Variants in LGR5 observed in about 807,000 individuals in gnomAD.
The protein encoded by LGR5 is leucine rich repeat containing G protein-coupled receptor 5.
In LGR5, 54 loss-of-function variants were observed where a neutral mutation model predicts 76.7. That is an observed-to-expected ratio of 0.70 (90% CI 0.57 to 0.88). The LOEUF (loss-of-function observed/expected upper bound fraction) is 0.88. Ranked by LOEUF, LGR5 falls within the 40% of genes least tolerant of loss-of-function variation. The pLI, the probability that LGR5 is intolerant of heterozygous loss-of-function variation, is 0.00. For missense variants in LGR5, 1,078 were observed against 1,073.3 expected, an observed-to-expected ratio of 1.00 and a Z score of -0.06; for synonymous variants, 406 against 421.9, an observed-to-expected ratio of 0.96 and a Z score of 0.46.
At chr12:71,509,868 C>T (rs774024043) in intron 2 of LGR5, among the ~76,000 whole-genome samples, 23 of 152,024 alleles carry the variant, frequency 1.5e-4, no homozygotes, top group Non-Finnish European at 3.2e-4. Flanking sequence ...TCCCTGGAAC[C>T]GTTTGCTCAT....
intron 13 of LGR5, among the ~76,000 whole-genome samples, chr12:71,576,199 A>G (rs566235477): frequency 2.0e-5 from 3 of 152,318 alleles, no homozygotes; most frequent in South Asian, 2.1e-4. Flanking sequence ...ATGTTTACCT[A>G]TGTAACAAAC....
intron 1 of LGR5, among the ~76,000 whole-genome samples, chr12:71,453,122 G>C (rs1181493448): frequency 6.6e-6 from 1 of 152,132 alleles, no homozygotes; most frequent in Non-Finnish European, 1.5e-5. Flanking sequence ...CAGCAGAAAG[G>C]CACCTACTAG....
At chr12:71,570,957 G>A (rs1462036929) in intron 11 of LGR5, among the ~76,000 whole-genome samples, 1 of 152,120 alleles carries the variant, frequency 6.6e-6, no homozygotes, top group African/African-American at 2.4e-5. Flanking sequence ...GCTTGCTTTA[G>A]ATTAGTTATA....
At chr12:71,519,724 G>A (rs1304199141) in intron 2 of LGR5, among the ~76,000 whole-genome samples, 2 of 152,070 alleles carry the variant, frequency 1.3e-5, no homozygotes, top group Non-Finnish European at 1.5e-5. Context: ...TACTTGTGGG[G>A]CTGAGGCAGG....
intron 3 of LGR5, 52 bp from the exon 4 acceptor site, chr12:71,535,063 C>CTGTTA (rs1215122809): frequency 7.7e-7 from 1 of 1,294,882 alleles, no homozygotes; most frequent in African/African-American, 1.5e-5. Flanking sequence ...TTGTTTAGGC[C>CTGTTA]TGTTATTGTT....
At chr12:71,534,074 G>A (rs1013941340) in intron 3 of LGR5, among the ~76,000 whole-genome samples, 5 of 152,096 alleles carry the variant, frequency 3.3e-5, no homozygotes, top group African/African-American at 1.2e-4. Flanking sequence ...ACAAATACAA[G>A]TTTGCAACTT....
Position 71,575,280 on chromosome 12 carries a change from A to T in LGR5, c.1208+2359A>T, listed in dbSNP as rs945245395. On this transcript the variant is annotated intron_variant, in intron 13 of 17. Coordinates refer to ENST00000266674, the MANE Select transcript of LGR5 (RefSeq NM_003667.4). ...ATACCTGGCACATTGTAACTATGCA[A>T]CCTTATTATTATTATGAAAATAAGT... 5.9e-5 allele frequency among the ~76,000 whole-genome samples: 9 copies of T among 152,330 alleles called. No individual in the cohort carries two copies. The East Asian group carries it at 1.2e-3, about 20-fold the overall frequency.
Position 71,585,055 on chromosome 12 carries a change from C to A in LGR5, c.*321C>A. On this transcript the variant is annotated 3_prime_UTR_variant, in exon 18 of 18. Coordinates refer to ENST00000266674, the MANE Select transcript of LGR5 (RefSeq NM_003667.4). Reference sequence around the variant, plus strand: ...TGAATTGCATTCTCTTTAAACTCACCAATGTAATCATTTTGGGAGGAGGGA... The same window carrying A: ...TGAATTGCATTCTCTTTAAACTCACAAATGTAATCATTTTGGGAGGAGGGA... 4.4e-6 allele frequency: 1 copy of A among 225,976 alleles called. No individual in the cohort carries two copies. Among genetic ancestry groups the A allele is most frequent in the Non-Finnish European group, 8.7e-6 (1 of 115,094 alleles). 14.0% of individuals were successfully genotyped at this position (225,976 alleles called of 1,614,324 possible). A position where few individuals can be genotyped will look rare whatever the true frequency, so the allele number is the denominator to read the frequency against.
In LGR5 at chr12:71,570,205, C is replaced by T. The variant is rs979057156; in HGVS notation, c.1071-1309C>T. ...CATTAAGGAAAAAAGCTAATGCGTC[C>T]GGGGCTTAATACCTAGGTGATGGGC... On this transcript the variant is annotated intron_variant, in intron 11 of 17. Coordinates refer to ENST00000266674, the MANE Select transcript of LGR5 (RefSeq NM_003667.4). 2.6e-5 allele frequency among the ~76,000 whole-genome samples: 4 copies of T among 152,072 alleles called. No homozygotes were observed. The East Asian group carries it at 5.8e-4, about 22-fold the overall frequency.
chr12:71,448,113 A>ACACACACAC (rs1300176522), intron 1 of LGR5, among the ~76,000 whole-genome samples: 1 of 151,212 alleles, frequency 6.6e-6, no homozygotes, highest in Non-Finnish European at 1.5e-5. Flanking sequence ...ACACACACAC[A>ACACACACAC]AACTGTGGTG....
chr12:71,525,368 G>C (rs1875940078), intron 3 of LGR5, among the ~76,000 whole-genome samples: 1 of 151,294 alleles, frequency 6.6e-6, no homozygotes, highest in Non-Finnish European at 1.5e-5. Flanking sequence ...GATTGGGTTT[G>C]GTTTCCCTTC....
At chr12:71,513,718 C>G (rs1426796659) in intron 2 of LGR5, among the ~76,000 whole-genome samples, 4 of 152,284 alleles carry the variant, frequency 2.6e-5, no homozygotes, top group African/African-American at 9.6e-5. Context: ...TCCAAAAGCA[C>G]TATATGTGGC....
chr12:71,567,265 G>GATTTTTTA, intron 11 of LGR5: 1 of 244,196 alleles, frequency 4.1e-6, no homozygotes, highest in Admixed American at 4.9e-5. Flanking sequence ...ACCCAATATG[G>GATTTTTTA]ATGCCAAAAT....
intron 1 of LGR5, among the ~76,000 whole-genome samples, chr12:71,491,753 A>C (rs1211184422): frequency 1.3e-5 from 2 of 149,334 alleles, no homozygotes; most frequent in Non-Finnish European, 3.0e-5. Flanking sequence ...CTTCTTATCA[A>C]GTGAAATGCT....
At chr12:71,559,697 T>A (rs754400964) in intron 7 of LGR5, 43 bp downstream of exon 7, 2 of 1,045,274 alleles carry the variant, frequency 1.9e-6, no homozygotes, top group East Asian at 4.8e-5. Flanking sequence ...TTTATCCTTT[T>A]GTGAATTTAT....
At chr12:71,545,453 A>G (rs1280179247) in intron 4 of LGR5, among the ~76,000 whole-genome samples, 2 of 152,234 alleles carry the variant, frequency 1.3e-5, no homozygotes, top group Non-Finnish European at 2.9e-5. Flanking sequence ...CCCTGTCTCA[A>G]AAAAATAAAT....
chr12:71,543,725 G>T (rs1259137663), intron 4 of LGR5, among the ~76,000 whole-genome samples: 1 of 152,214 alleles, frequency 6.6e-6, no homozygotes, highest in Non-Finnish European at 1.5e-5. Flanking sequence ...AAAGGCAAAA[G>T]GACCAGCTCA....
chr12:71,485,768 CT>C (rs560900401), intron 1 of LGR5, among the ~76,000 whole-genome samples: 9,923 of 140,870 alleles, frequency 0.07, 473 homozygotes, highest in African/African-American at 0.15. Context: ...ACACAATTAT[CT>C]TTTTTTTTTT....
At chr12:71,507,341 A>G (rs1874906740) in intron 2 of LGR5, among the ~76,000 whole-genome samples, 1 of 152,134 alleles carries the variant, frequency 6.6e-6, no homozygotes, top group South Asian at 2.1e-4. Flanking sequence ...AGCACCTAGC[A>G]CTGTGATTTC....
Sources: allele counts gnomAD v4.1 joint callset (sites outside exome capture counted in the v4.1 genomes callset), GRCh38; gene constraint gnomAD v4.1.1; transcripts MANE v1.5; gene names NCBI Gene and HGNC (gene_info 2026-07-23, HGNC 2026-07-21).